The following NRXN3 variants were observed in gnomAD, a reference collection of about 807,000 sequenced individuals.
NRXN3 encodes neurexin III.
NRXN3 carries 32 observed loss-of-function variants against 137.6 expected under a neutral mutation model. The observed-to-expected ratio is 0.23, with a 90% CI of 0.18 to 0.31. The LOEUF (loss-of-function observed/expected upper bound fraction) is 0.31. Ranked by LOEUF, NRXN3 falls within the 10% of genes least tolerant of loss-of-function variation. NRXN3 has a pLI of 1.00. For missense variants in NRXN3, 1,574 were observed against 2,062.5 expected (o/e 0.76, Z 4.59); for synonymous variants, 798 against 784.5 (o/e 1.02, Z -0.29).
At chr14:78,703,058 C>G (rs1401443151) in intron 6 of NRXN3, among the ~76,000 whole-genome samples, 1 of 152,146 alleles carries the variant, frequency 6.6e-6, no homozygotes, top group Non-Finnish European at 1.5e-5. Context: ...ATAATCATGA[C>G]CATGGCACTA....
At chr14:78,840,592 T>C (rs1046392491) in intron 10 of NRXN3, among the ~76,000 whole-genome samples, 2 of 152,160 alleles carry the variant, frequency 1.3e-5, no homozygotes, top group Non-Finnish European at 2.9e-5. Flanking sequence ...GAGTATGCTT[T>C]GTGTCATCAT....
intron 8 of NRXN3, among the ~76,000 whole-genome samples, chr14:78,736,657 A>G (rs1367088279): frequency 1.3e-5 from 2 of 152,198 alleles, no homozygotes; most frequent in African/African-American, 2.4e-5. Context: ...TTACACTTTT[A>G]TTCATTCACT....
chr14:78,775,950 G>A lies in NRXN3; in HGVS notation c.2045-27670G>A, dbSNP rs553675173. Among the ~76,000 whole-genome samples, 5 of 152,106 alleles carry A rather than the reference G, an allele frequency of 3.3e-5. No homozygotes were observed. The East Asian group carries it at 5.8e-4, about 18-fold the overall frequency. On this transcript the variant is annotated intron_variant, in intron 8 of 20. Coordinates refer to ENST00000335750, the MANE Select transcript of NRXN3 (RefSeq NM_001330195.2). ...ATGAAATCTTGTGCCATCCTACTCT[G>A]TCCTACCCAGGGTATGAATTACTTT...
intron 19 of NRXN3, among the ~76,000 whole-genome samples, chr14:79,714,998 G>C (rs1457902808): frequency 6.6e-6 from 1 of 152,036 alleles, no homozygotes; most frequent in Non-Finnish European, 1.5e-5. Context: ...CCGTCACCCA[G>C]GCTGGAGGGC....
intron 15 of NRXN3, among the ~76,000 whole-genome samples, chr14:79,008,766 C>T (rs1381423630): frequency 6.7e-6 from 1 of 148,870 alleles, no homozygotes; most frequent in East Asian, 2.0e-4. Flanking sequence ...TAAACTGATT[C>T]TCCTGCCTCA....
chr14:79,317,731 A>T (rs74069723), intron 15 of NRXN3, among the ~76,000 whole-genome samples: 2,563 of 152,302 alleles, frequency 0.017, 82 homozygotes, highest in African/African-American at 0.058. Context: ...GGCAGCATAG[A>T]ATGAAAGTTT....
At chr14:78,496,013 A>G (rs1454086765) in intron 4 of NRXN3, among the ~76,000 whole-genome samples, 2 of 152,238 alleles carry the variant, frequency 1.3e-5, no homozygotes, top group Non-Finnish European at 2.9e-5. Context: ...CACATTGATT[A>G]TAGGAGTTGT....
At chr14:78,947,318 A>T (rs2099367465) in intron 10 of NRXN3, among the ~76,000 whole-genome samples, 2 of 152,148 alleles carry the variant, frequency 1.3e-5, no homozygotes, top group Admixed American at 1.3e-4. Flanking sequence ...AGTACTTTCT[A>T]TTGTAGGAAG....
chr14:78,586,731 G>C (rs914469607), intron 4 of NRXN3, among the ~76,000 whole-genome samples: 1 of 152,326 alleles, frequency 6.6e-6, no homozygotes, highest in Admixed American at 6.5e-5. Flanking sequence ...TGTCCCCCAA[G>C]AGGACCTTGA....
intron 6 of NRXN3, among the ~76,000 whole-genome samples, chr14:78,670,017 C>T (rs574930743): frequency 1.4e-3 from 209 of 152,110 alleles, no homozygotes; most frequent in African/African-American, 4.9e-3. Context: ...CCTAGCCCCC[C>T]ACCCCCTGAC....
chr14:79,435,631 T>C (rs868760180), intron 15 of NRXN3, among the ~76,000 whole-genome samples: 91 of 72,168 alleles, frequency 1.3e-3, no homozygotes, highest in East Asian at 0.011. Flanking sequence ...CACACACACA[T>C]ACATTCTTTG....
intron 16 of NRXN3, among the ~76,000 whole-genome samples, chr14:79,582,179 GC>G (rs1298606154): frequency 1.3e-5 from 2 of 152,138 alleles, no homozygotes; most frequent in Non-Finnish European, 2.9e-5. Flanking sequence ...CTGAGTTCAA[GC>G]AGTCCTCCCT....
intron 15 of NRXN3, among the ~76,000 whole-genome samples, chr14:79,378,140 G>A (rs1161029128): frequency 6.6e-6 from 1 of 152,132 alleles, no homozygotes; most frequent in Non-Finnish European, 1.5e-5. Flanking sequence ...TTTTGCTAAT[G>A]TGTTCATCCT....
chr14:79,780,432 C>T (rs1296476741), intron 19 of NRXN3, among the ~76,000 whole-genome samples: 1 of 144,040 alleles, frequency 6.9e-6, no homozygotes, highest in African/African-American at 2.5e-5. Context: ...AACCCGGTCT[C>T]TACTAAAAAT....
At chr14:79,242,042 G>C (rs888006163) in intron 15 of NRXN3, among the ~76,000 whole-genome samples, 10 of 151,774 alleles carry the variant, frequency 6.6e-5, no homozygotes, top group Admixed American at 2.0e-4. Context: ...ACTCCAGCCT[G>C]GGTGACAGAG....
intron 16 of NRXN3, among the ~76,000 whole-genome samples, chr14:79,546,148 C>T (rs2097317515): frequency 6.6e-6 from 1 of 152,118 alleles, no homozygotes; most frequent in Admixed American, 6.6e-5. Flanking sequence ...CCAATTAAAC[C>T]TCTTTCTTTT....
chr14:79,336,059 A>G (rs960866110), intron 15 of NRXN3, among the ~76,000 whole-genome samples: 1 of 152,168 alleles, frequency 6.6e-6, no homozygotes, highest in Non-Finnish European at 1.5e-5. Context: ...GACTACCTCA[A>G]GTTGGTCAGG....
At chr14:79,328,294 G>A (rs1458991060) in intron 15 of NRXN3, among the ~76,000 whole-genome samples, 1 of 152,136 alleles carries the variant, frequency 6.6e-6, no homozygotes, top group African/African-American at 2.4e-5. Context: ...AATATAAAAG[G>A]CTGTTAAGGA....
At chr14:79,452,845 G>A (rs950801521) in intron 15 of NRXN3, among the ~76,000 whole-genome samples, 1 of 152,094 alleles carries the variant, frequency 6.6e-6, no homozygotes, top group Non-Finnish European at 1.5e-5. Context: ...AGGCTTTGAA[G>A]GTGATAAAAT....
Sources: gnomAD v4.1 joint callset for allele counts (sites outside exome capture counted in the v4.1 genomes callset) on GRCh38, gnomAD v4.1.1 for gene constraint, MANE v1.5 for transcripts, NCBI Gene and HGNC (gene_info 2026-07-23, HGNC 2026-07-21) for gene names.